Variants in MAGI3 observed in about 807,000 individuals in gnomAD.
MAGI3 encodes the protein membrane associated guanylate kinase, WW and PDZ domain containing 3.
Under a neutral mutation model 121.8 loss-of-function variants are expected in MAGI3, and 43 were observed. That is an observed-to-expected ratio of 0.35 (90% CI 0.28 to 0.46). The LOEUF is 0.46. Ranked by LOEUF, MAGI3 falls within the 20% of genes least tolerant of loss-of-function variation. The probability of loss-of-function intolerance (pLI) is 1.00; values close to 1 mark genes in which losing one functional copy is unlikely to be tolerated. For missense variants in MAGI3, 1,547 were observed against 1,797.3 expected (o/e 0.86, Z 2.52); for synonymous variants, 553 against 639.3 (o/e 0.86, Z 2.04).
intron 1 of MAGI3, among the ~76,000 whole-genome samples, chr1:113,465,276 A>G (rs1205067737): frequency 6.6e-6 from 1 of 152,008 alleles, no homozygotes; most frequent in African/African-American, 2.4e-5. Flanking sequence ...TCCCCATTGT[A>G]TGTTCTTGGT....
At chr1:113,545,754 T>C (rs185893674) in intron 1 of MAGI3, among the ~76,000 whole-genome samples, 11 of 152,350 alleles carry the variant, frequency 7.2e-5, no homozygotes, top group Admixed American at 2.0e-4. Flanking sequence ...AATTTACATA[T>C]GTAACCTTGA....
At chr1:113,470,373 G>A (rs549589059) in intron 1 of MAGI3, among the ~76,000 whole-genome samples, 8 of 151,678 alleles carry the variant, frequency 5.3e-5, no homozygotes, top group East Asian at 1.9e-4. Context: ...TGGGAAAAGG[G>A]GAAAAAAACA....
chr1:113,421,486 A>G (rs1652730665), intron 1 of MAGI3, among the ~76,000 whole-genome samples: 1 of 152,232 alleles, frequency 6.6e-6, no homozygotes, highest in Non-Finnish European at 1.5e-5. Flanking sequence ...CCGAGGTTTC[A>G]TAAAATCCAG....
At chr1:113,651,761 A>G (rs1197498822) in intron 14 of MAGI3, among the ~76,000 whole-genome samples, 1 of 152,154 alleles carries the variant, frequency 6.6e-6, no homozygotes, top group Non-Finnish European at 1.5e-5. Context: ...AAAGTGCTGG[A>G]ATTACAGGCG....
chr1:113,553,870 G>A (rs141520982), intron 2 of MAGI3, among the ~76,000 whole-genome samples: 1,684 of 152,164 alleles, frequency 0.011, 33 homozygotes, highest in African/African-American at 0.039. Context: ...TTAGCTGGGC[G>A]TGGTGGCGGG....
intron 1 of MAGI3, among the ~76,000 whole-genome samples, chr1:113,547,167 G>T (rs1659573899): frequency 1.4e-5 from 2 of 147,104 alleles, no homozygotes; most frequent in African/African-American, 2.5e-5. Context: ...TGATTTTATT[G>T]TGGCTTTGTC....
Position 113,495,358 on chromosome 1 carries a change from C to CTT in MAGI3, c.317-54144_317-54143dup, listed in dbSNP as rs11458302. Among the ~76,000 whole-genome samples the CTT allele has an allele frequency of 1.3e-3, 185 of 143,962 alleles. 1 individual carries two copies. Among genetic ancestry groups the CTT allele is most frequent in the South Asian group, 3.5e-3 (16 of 4,532 alleles). 94.4% of individuals were successfully genotyped at this position (143,962 alleles called of 152,430 possible). On this transcript the variant is annotated intron_variant, in intron 1 of 20. Coordinates refer to ENST00000307546, the MANE Select transcript of MAGI3 (RefSeq NM_001142782.2). ...TTTTGTTTTAGTTTTTGAAGTACCT[C>CTT]TTTTTTTTTTTTTTAATTTCAGTAG...
At chr1:113,515,665 G>T in intron 1 of MAGI3, among the ~76,000 whole-genome samples, 1 of 152,124 alleles carries the variant, frequency 6.6e-6, no homozygotes, top group Non-Finnish European at 1.5e-5. Context: ...ATACATGACA[G>T]AGGTAGGACT....
chr1:113,548,967 C>T (rs1659652324), intron 1 of MAGI3, among the ~76,000 whole-genome samples: 2 of 152,170 alleles, frequency 1.3e-5, no homozygotes, highest in Admixed American at 1.3e-4. Flanking sequence ...TCAAGGATGA[C>T]TTCTAGATTT....
rs573636861 is a variant in MAGI3 at position 113,416,063 on chromosome 1, A to G, written c.316+24714A>G. Among the ~76,000 whole-genome samples, 865 of 135,468 alleles carry G rather than the reference A, an allele frequency of 6.4e-3. 6 individuals are homozygous for G. The highest frequency in any genetic ancestry group is 0.024 in the African/African-American group (807 of 32,988). The allele number at this position is 135,468 out of a possible 152,430, so 88.9% of individuals were successfully genotyped here. A position where few individuals can be genotyped will look rare whatever the true frequency, so the allele number is the denominator to read the frequency against. On this transcript the variant is annotated intron_variant, in intron 1 of 20. Transcript: ENST00000307546. The stretch of plus-strand genomic sequence containing the variant: ...AATTATGTAATTAATGACACATATT[A>G]ATTATGTAATTAATGACACATATTA...
chr1:113,431,722 A>C (rs12071016), intron 1 of MAGI3, among the ~76,000 whole-genome samples: 1 of 152,102 alleles, frequency 6.6e-6, no homozygotes, highest in African/African-American at 2.4e-5. Context: ...AAAATCTTAA[A>C]TGGAGAGAAA....
At chr1:113,675,963 C>T (rs1287655457) in intron 19 of MAGI3, among the ~76,000 whole-genome samples, 38 of 152,130 alleles carry the variant, frequency 2.5e-4, no homozygotes, top group Admixed American at 2.5e-3. Context: ...TCTTGAGACA[C>T]TGTTTACAGA....
chr1:113,682,041 A>G (rs1473465967), intron 20 of MAGI3, among the ~76,000 whole-genome samples: 2 of 141,948 alleles, frequency 1.4e-5, no homozygotes, highest in Admixed American at 7.0e-5. Flanking sequence ...CTTTTGAGGG[A>G]TAAGTGTAGA....
chr1:113,586,283 T>C (rs536947901), intron 4 of MAGI3, among the ~76,000 whole-genome samples: 125 of 152,316 alleles, frequency 8.2e-4, no homozygotes, highest in African/African-American at 2.8e-3. Flanking sequence ...GTAAACTTCA[T>C]AGGGCTGAAG....
chr1:113,549,619 A>G lies in MAGI3; in HGVS notation c.421A>G (p.Arg141Gly). Residue 141 changes from arginine (R) to glycine (G), a missense_variant, in exon 2 of 21, where the codon AGA becomes GGA. Transcript: ENST00000307546. ...AGTGATCAGAGATAATCTCTACTTG[A>G]GAACCATTCCATGTAAGTATGTGAT... ...QQVIRDNLYL[R>G]TIPCTTRAPR... 6.3e-7 allele frequency: 1 copy of G among 1,576,422 alleles called. No individual in the cohort carries two copies. Among genetic ancestry groups the G allele is most frequent in the Non-Finnish European group, 8.7e-7 (1 of 1,153,710 alleles).
At chr1:113,680,346 C>A (rs1221579811) in intron 19 of MAGI3, among the ~76,000 whole-genome samples, 1 of 152,114 alleles carries the variant, frequency 6.6e-6, no homozygotes, top group Admixed American at 6.5e-5. Flanking sequence ...TAACATGTAC[C>A]CAGTGCTCTC....
rs952324705 is a variant in MAGI3 at position 113,401,133 on chromosome 1, TAGAG to T, written c.316+9788_316+9791del. Among the ~76,000 whole-genome samples the T allele has an allele frequency of 5.9e-5, 9 of 152,296 alleles. No homozygotes were observed. The South Asian group carries it at 1.0e-3, about 18-fold the overall frequency. On this transcript the variant is annotated intron_variant, in intron 1 of 20. Coordinates refer to ENST00000307546, the MANE Select transcript of MAGI3 (RefSeq NM_001142782.2). The stretch of plus-strand genomic sequence containing the variant: ...TCCTTTACACATGAGAAAATTGAGT[TAGAG>T]AGATTAACACGTGAAAGTTCACACA...
intron 1 of MAGI3, among the ~76,000 whole-genome samples, chr1:113,512,406 T>G (rs540528218): frequency 6.6e-6 from 1 of 152,314 alleles, no homozygotes; most frequent in South Asian, 2.1e-4. Context: ...ATTTGAAAAT[T>G]AGAGGGAGAA....
chr1:113,487,760 TC>T (rs1656459689), intron 1 of MAGI3, among the ~76,000 whole-genome samples: 2 of 152,048 alleles, frequency 1.3e-5, no homozygotes, highest in Non-Finnish European at 2.9e-5. Flanking sequence ...GTTTTTTTTT[TC>T]ATTTTTTCTA....
Sources: gnomAD v4.1 joint callset for allele counts (sites outside exome capture counted in the v4.1 genomes callset) on GRCh38, gnomAD v4.1.1 for gene constraint, MANE v1.5 for transcripts, NCBI Gene and HGNC (gene_info 2026-07-23, HGNC 2026-07-21) for gene names.